The following THSD7A variants were observed in gnomAD, a reference collection of about 807,000 sequenced individuals.
THSD7A encodes the protein thrombospondin type 1 domain containing 7A, also known as thrombospondin type-1 domain-containing protein 7A.
In THSD7A, 96 loss-of-function variants were observed where a neutral mutation model predicts 231.3. That is an observed-to-expected ratio of 0.41 (90% CI 0.35 to 0.49). THSD7A has a LOEUF of 0.49. THSD7A is among the 20% of genes least tolerant of loss of function. The pLI, the probability that THSD7A is intolerant of heterozygous loss-of-function variation, is 0.05. For synonymous variants in THSD7A, 940 were observed against 743.3 expected (o/e 1.26, Z -4.30); for missense variants, 2,290 against 2,070.2 (o/e 1.11, Z -2.06).
intron 6 of THSD7A, among the ~76,000 whole-genome samples, chr7:11,528,212 G>C (rs1012830278): frequency 6.6e-6 from 1 of 151,986 alleles, no homozygotes; most frequent in Non-Finnish European, 1.5e-5. Context: ...CTTCATGTGA[G>C]GATAGCTCTA....
At chr7:11,469,538 A>G (rs1294847565) in intron 9 of THSD7A, among the ~76,000 whole-genome samples, 1 of 152,160 alleles carries the variant, frequency 6.6e-6, no homozygotes, top group African/African-American at 2.4e-5. Context: ...AGCCATGTGT[A>G]CTGATAAAAG....
At chr7:11,640,604 A>C (rs1270157081) in intron 1 of THSD7A, among the ~76,000 whole-genome samples, 1 of 152,156 alleles carries the variant, frequency 6.6e-6, no homozygotes, top group Non-Finnish European at 1.5e-5. Flanking sequence ...TTCTGAAATT[A>C]GCATTGTCTT....
At chr7:11,729,490 G>A (rs1258089138) in intron 1 of THSD7A, among the ~76,000 whole-genome samples, 1 of 151,662 alleles carries the variant, frequency 6.6e-6, no homozygotes, top group Non-Finnish European at 1.5e-5. Flanking sequence ...GGCTATTTTA[G>A]AAATATTTAA....
Position 11,527,130 on chromosome 7 carries a change from G to T in THSD7A, c.1822+14289C>A, listed in dbSNP as rs377614998. 2.6e-5 allele frequency among the ~76,000 whole-genome samples: 4 copies of T among 152,098 alleles called. 1 individual carries two copies. In the South Asian group the frequency reaches 8.3e-4, roughly 31 times the overall value. On this transcript the variant is annotated intron_variant, in intron 6 of 27. Coordinates refer to ENST00000423059, the MANE Select transcript of THSD7A (RefSeq NM_015204.3). ...ATACCATAGCCATTTCCTGGGTTGTGTATCCTAGAGAAGTCAAGACTAAAT... is the reference window on the plus strand; with the variant it reads ...ATACCATAGCCATTTCCTGGGTTGTTTATCCTAGAGAAGTCAAGACTAAAT...
At chr7:11,385,514 CT>C (rs1782695783) in intron 23 of THSD7A, 2 of 151,974 alleles carry the variant, frequency 1.3e-5, no homozygotes, top group South Asian at 4.1e-4. Flanking sequence ...TTAGAAATAC[CT>C]TTTAATGTGT....
In THSD7A at chr7:11,821,532, AT is replaced by A. The variant is rs201014522; in HGVS notation, c.190+10224del. On this transcript the variant is annotated intron_variant, in intron 1 of 27. Coordinates refer to ENST00000423059, the MANE Select transcript of THSD7A (RefSeq NM_015204.3). ...AAGTGTTCACCTCAAAAGAAAAAAA[AT>A]AATAATTTTAAAAGAATGCAGATAA... Among the ~76,000 whole-genome samples the A allele has an allele frequency of 3.6e-3, 549 of 152,248 alleles. 5 individuals carry two copies. The highest frequency in any genetic ancestry group is 0.012 in the African/African-American group (517 of 41,522).
intron 11 of THSD7A, among the ~76,000 whole-genome samples, chr7:11,459,398 A>G (rs1267929821): frequency 6.6e-6 from 1 of 152,096 alleles, no homozygotes; most frequent in African/African-American, 2.4e-5. Context: ...AGGGCATGAC[A>G]AGAAGATCTC....
At chr7:11,815,587 T>C (rs1326477323) in intron 1 of THSD7A, among the ~76,000 whole-genome samples, 1 of 152,212 alleles carries the variant, frequency 6.6e-6, no homozygotes, top group Non-Finnish European at 1.5e-5. Flanking sequence ...CTATTGAAGT[T>C]ACTGCATTTA....
intron 1 of THSD7A, among the ~76,000 whole-genome samples, chr7:11,720,782 A>G (rs557877400): frequency 6.6e-6 from 1 of 151,712 alleles, no homozygotes; most frequent in Admixed American, 6.6e-5. Flanking sequence ...GCAGTGTTAG[A>G]CATCTTCACA....
At chr7:11,830,185 T>C (rs1785153215) in intron 1 of THSD7A, among the ~76,000 whole-genome samples, 1 of 152,206 alleles carries the variant, frequency 6.6e-6, no homozygotes, top group Non-Finnish European at 1.5e-5. Flanking sequence ...TACCATGACA[T>C]TTATGATGAC....
Position 11,814,094 on chromosome 7 carries a change from G to C in THSD7A, c.190+17663C>G, listed in dbSNP as rs1784611084. ...CATTCATATGAAAGGTCCAGACTAGGCGAATAGAGAAAAAGTAGATTGGTA... is the reference window on the plus strand; with the variant it reads ...CATTCATATGAAAGGTCCAGACTAGCCGAATAGAGAAAAAGTAGATTGGTA... On this transcript the variant is annotated intron_variant, in intron 1 of 27. Transcript: ENST00000423059. This position sits in a 1 kb window ranked among gnomAD's most constrained non-coding sequence, Gnocchi z 5.1. 6.6e-6 allele frequency among the ~76,000 whole-genome samples: 1 copy of C among 152,166 alleles called. No individual in the cohort carries two copies. Among genetic ancestry groups the C allele is most frequent in the African/African-American group, 2.4e-5 (1 of 41,452 alleles).
intron 1 of THSD7A, among the ~76,000 whole-genome samples, chr7:11,787,670 G>T (rs1240615280): frequency 6.6e-6 from 1 of 152,008 alleles, no homozygotes; most frequent in Non-Finnish European, 1.5e-5. Flanking sequence ...CACATCCTAT[G>T]TCACTAGGGA....
In THSD7A at chr7:11,417,521, T is replaced by C. The variant is rs1023305180; in HGVS notation, c.3466A>G (p.Arg1156Gly). The part of the protein sequence containing the change: ...CDPEEMPLGS[R>G]VCKLPCPEDC... ...TCAGGGCATGGTAATTTGCACACTC[T>C]AGAGCCCAGGGGCATCTCTTCTGGG... The change falls in exon 17 of 28, where the codon AGA becomes GGA. Residue 1156 changes from arginine to glycine, a missense_variant. Physicochemically the swap from Arg to Gly is moderately radical, Grantham distance 125. Coordinates refer to ENST00000423059, the MANE Select transcript of THSD7A (RefSeq NM_015204.3). 6.2e-7 allele frequency: 1 copy of C among 1,613,748 alleles called. No homozygotes were observed. The highest frequency in any genetic ancestry group is 1.3e-5 in the African/African-American group (1 of 74,928).
intron 1 of THSD7A, among the ~76,000 whole-genome samples, chr7:11,746,034 G>A (rs1032999680): frequency 2.0e-5 from 3 of 151,916 alleles, no homozygotes; most frequent in African/African-American, 7.2e-5. Context: ...ATTACCTTGG[G>A]CAGTATGGCC....
chr7:11,631,958 A>T (rs1490683239), intron 2 of THSD7A, among the ~76,000 whole-genome samples: 1 of 152,108 alleles, frequency 6.6e-6, no homozygotes, highest in Non-Finnish European at 1.5e-5. Flanking sequence ...GCCTGCTTGG[A>T]GGGTTTGCCC....
Position 11,444,029 on chromosome 7 carries a change from G to T in THSD7A, c.3064+2032C>A, listed in dbSNP as rs1784884400. ...GTTCTCAAAAGACGACATTTATGTGGCTAACAAACATATGAAAAAAAGCTC... is the reference window on the plus strand; with the variant it reads ...GTTCTCAAAAGACGACATTTATGTGTCTAACAAACATATGAAAAAAAGCTC... On this transcript the variant is annotated intron_variant, in intron 13 of 27. Transcript: ENST00000423059. This position sits in a 1 kb window ranked among gnomAD's most constrained non-coding sequence, Gnocchi z 4.2. Among the ~76,000 whole-genome samples the T allele has an allele frequency of 6.6e-6, 1 of 152,070 alleles. No homozygotes were observed. The highest frequency in any genetic ancestry group is 1.5e-5 in the Non-Finnish European group (1 of 68,012).
chr7:11,581,550 A>T (rs1193445157), intron 4 of THSD7A, among the ~76,000 whole-genome samples: 1 of 145,338 alleles, frequency 6.9e-6, no homozygotes, highest in Non-Finnish European at 1.5e-5. Context: ...ATACTCATGA[A>T]TTTTCACATG....
At chr7:11,660,415 TACAA>T (rs1195300891) in intron 1 of THSD7A, among the ~76,000 whole-genome samples, 1 of 151,472 alleles carries the variant, frequency 6.6e-6, no homozygotes, top group Non-Finnish European at 1.5e-5. Context: ...AGATAAACAT[TACAA>T]ACAAAGTAAT....
chr7:11,431,804 C>G (rs1784485720), intron 13 of THSD7A, among the ~76,000 whole-genome samples: 1 of 152,106 alleles, frequency 6.6e-6, no homozygotes, highest in African/African-American at 2.4e-5. Context: ...AATTCAGACA[C>G]ATGGAATTCA....
Sources: allele counts gnomAD v4.1 joint callset (sites outside exome capture counted in the v4.1 genomes callset), GRCh38; gene constraint gnomAD v4.1.1; non-coding constraint Gnocchi (gnomAD v3.1); transcripts MANE v1.5; gene names NCBI Gene and HGNC (gene_info 2026-07-23, HGNC 2026-07-21).